The following SCAPER variants were observed in gnomAD, a reference collection of about 807,000 sequenced individuals.
SCAPER encodes the protein S phase cyclin A-associated protein in the endoplasmic reticulum.
Under a neutral mutation model 182.2 loss-of-function variants are expected in SCAPER, and 98 were observed. The ratio of observed to expected loss-of-function variants is 0.54; its 90% CI spans 0.46 to 0.64. The LOEUF (loss-of-function observed/expected upper bound fraction) is 0.64. SCAPER is among the 30% of genes least tolerant of loss of function. The pLI is 0.00. For missense variants in SCAPER, 1,432 were observed against 1,690.0 expected, an observed-to-expected ratio of 0.85 and a Z score of 2.68; for synonymous variants, 605 against 564.6, an observed-to-expected ratio of 1.07 and a Z score of -1.01.
At chr15:76,516,079 C>T (rs1223339061) in intron 23 of SCAPER, among the ~76,000 whole-genome samples, 1 of 151,938 alleles carries the variant, frequency 6.6e-6, no homozygotes, top group Non-Finnish European at 1.5e-5. Flanking sequence ...GAAGGCCAAC[C>T]ACAGGGCCTT....
chr15:76,788,913 T>C (rs1260023205), intron 8 of SCAPER, among the ~76,000 whole-genome samples: 1 of 152,184 alleles, frequency 6.6e-6, no homozygotes, highest in Non-Finnish European at 1.5e-5. Flanking sequence ...GCAATCCTCC[T>C]ACCTCAGCCT....
Position 76,574,276 on chromosome 15 carries a change from C to T in SCAPER, c.2720G>A (p.Arg907Gln), listed in dbSNP as rs1380653009. ...TTGTTTTAGAAGATCTTTGGCTAAT[C>T]GCTGAAGCCTTTAATACCAAATGAA... ...SDSPYKAKLQ[R>Q]LAKDLLKQVQ... Residue 907 changes from arginine to glutamine, a missense_variant, in exon 23 of 32, where the codon CGA becomes CAA. Transcript: ENST00000563290. 9.3e-6 allele frequency: 15 copies of T among 1,610,752 alleles called. No homozygotes were observed. Among genetic ancestry groups the T allele is most frequent in the African/African-American group, 4.0e-5 (3 of 74,840 alleles).
At chr15:76,521,578 TTAAG>T (rs566422490) in intron 23 of SCAPER, among the ~76,000 whole-genome samples, 121 of 152,262 alleles carry the variant, frequency 7.9e-4, no homozygotes, top group Non-Finnish European at 1.3e-3. Context: ...GATGTTACAA[TTAAG>T]TATCACAATA....
intron 5 of SCAPER, among the ~76,000 whole-genome samples, chr15:76,805,538 A>G (rs907566619): frequency 4.0e-5 from 6 of 148,254 alleles, no homozygotes; most frequent in African/African-American, 7.5e-5. Flanking sequence ...TTTCATGTAC[A>G]TTAGACATTT....
chr15:76,820,077 A>C (rs1420864072), intron 5 of SCAPER, among the ~76,000 whole-genome samples: 2 of 152,146 alleles, frequency 1.3e-5, no homozygotes, highest in African/African-American at 4.8e-5. Flanking sequence ...ATCATTAAAA[A>C]GTCAGGAAAC....
intron 20 of SCAPER, among the ~76,000 whole-genome samples, chr15:76,694,478 T>C (rs961059421): frequency 2.6e-5 from 4 of 152,122 alleles, no homozygotes; most frequent in African/African-American, 4.8e-5. Context: ...GTTGTGTACA[T>C]TGAATGTGTA....
At chr15:76,754,188 C>A (rs563954109) in intron 14 of SCAPER, among the ~76,000 whole-genome samples, 1 of 151,944 alleles carries the variant, frequency 6.6e-6, no homozygotes, top group Non-Finnish European at 1.5e-5. Context: ...GTTTCCTTAC[C>A]TATAAACAGG....
At chr15:76,766,428 C>A (rs2063121625) in intron 11 of SCAPER, among the ~76,000 whole-genome samples, 1 of 151,768 alleles carries the variant, frequency 6.6e-6, no homozygotes, top group South Asian at 2.1e-4. Context: ...AAGTAAAATA[C>A]CTTAGCTTCA....
At chr15:76,377,990 C>T (rs2042685607) in intron 28 of SCAPER, among the ~76,000 whole-genome samples, 1 of 152,186 alleles carries the variant, frequency 6.6e-6, no homozygotes, top group African/African-American at 2.4e-5. Context: ...ATTTAATCCT[C>T]AAATAGTCTT....
intron 6 of SCAPER, 50 bp downstream of exon 6, chr15:76,804,461 TTATTGTCCGTTTCAGTGATTGC>T: frequency 1.0e-6 from 1 of 995,844 alleles, no homozygotes; most frequent in African/African-American, 1.6e-5. Flanking sequence ...GAGGTTAAGT[TTATTGTCCGTTTCAGTGATTGC>T]TATTGAAACT....
intron 27 of SCAPER, among the ~76,000 whole-genome samples, chr15:76,401,782 T>C (rs1393400649): frequency 6.6e-6 from 1 of 152,040 alleles, no homozygotes; most frequent in East Asian, 1.9e-4. Context: ...TGGGTGCAAA[T>C]AGATTATTTG....
At chr15:76,837,088 A>C (rs1238003318) in intron 5 of SCAPER, among the ~76,000 whole-genome samples, 1 of 152,184 alleles carries the variant, frequency 6.6e-6, no homozygotes, top group Non-Finnish European at 1.5e-5. Context: ...AGAAACAATT[A>C]ACAAAGTAAA....
chr15:76,479,782 C>T (rs2050954396), intron 24 of SCAPER, among the ~76,000 whole-genome samples: 1 of 151,872 alleles, frequency 6.6e-6, no homozygotes, highest in African/African-American at 2.4e-5. Flanking sequence ...TAAAAAAAAA[C>T]ACACACTGTT....
chr15:76,877,707 T>C (rs1372108664), intron 2 of SCAPER, among the ~76,000 whole-genome samples: 1 of 152,172 alleles, frequency 6.6e-6, no homozygotes, highest in African/African-American at 2.4e-5. Context: ...TCAAAATATC[T>C]GTTCTGTAGT....
intron 21 of SCAPER, among the ~76,000 whole-genome samples, chr15:76,660,517 G>A (rs1367130243): frequency 6.6e-6 from 1 of 152,124 alleles, no homozygotes; most frequent in African/African-American, 2.4e-5. Context: ...CATGGTTTTA[G>A]GTTGTCTATG....
chr15:76,553,007 G>C (rs2045907321), intron 23 of SCAPER, among the ~76,000 whole-genome samples: 1 of 152,138 alleles, frequency 6.6e-6, no homozygotes, highest in African/African-American at 2.4e-5. Flanking sequence ...AACTCCAGCA[G>C]ATAGGTCCCC....
intron 3 of SCAPER, among the ~76,000 whole-genome samples, chr15:76,861,311 T>C (rs1193434357): frequency 1.3e-5 from 2 of 152,236 alleles, no homozygotes; most frequent in South Asian, 4.1e-4. Flanking sequence ...GTAGAGAAAT[T>C]TGGCAGACAA....
At chr15:76,445,739 C>T (rs762957234) in intron 25 of SCAPER, among the ~76,000 whole-genome samples, 3 of 152,118 alleles carry the variant, frequency 2.0e-5, no homozygotes, top group Non-Finnish European at 4.4e-5. Flanking sequence ...ATCCTGGTGA[C>T]TGGGGAAGGA....
chr15:76,478,710 T>C lies in SCAPER; in HGVS notation c.2955-7375A>G, dbSNP rs114121437. On this transcript the variant is annotated intron_variant, in intron 24 of 31. Transcript: ENST00000563290. ...CTTTCTCCACTGGTTTGAAATGCCA[T>C]CTTTATCAGACTCTAATTGATAACT... 9.1e-3 allele frequency among the ~76,000 whole-genome samples: 1,389 copies of C among 152,268 alleles called. 24 individuals are homozygous for C. Among genetic ancestry groups the C allele is most frequent in the African/African-American group, 0.032 (1,348 of 41,560 alleles).
Sources: gnomAD v4.1 joint callset for allele counts (sites outside exome capture counted in the v4.1 genomes callset) on GRCh38, gnomAD v4.1.1 for gene constraint, MANE v1.5 for transcripts, NCBI Gene and HGNC (gene_info 2026-07-23, HGNC 2026-07-21) for gene names.